MYOC: variants seen among roughly 807,000 people sequenced by gnomAD.
MYOC encodes the protein myocilin, also known as juvenile-onset open-angle glaucoma 1.
In MYOC, 29 loss-of-function variants were observed where a neutral mutation model predicts 28.2. The ratio of observed to expected loss-of-function variants is 1.03; its 90% confidence interval spans 0.77 to 1.40. MYOC has a LOEUF of 1.40. MYOC is among the 40% of genes most tolerant of loss of function. MYOC has a pLI of 0.00. For synonymous variants in MYOC, 240 were observed against 245.6 expected (o/e 0.98, Z 0.21); for missense variants, 569 against 620.6 (o/e 0.92, Z 0.88).
At chr1:171,646,504 T>G (rs907936745) in intron 1 of MYOC, among the ~76,000 whole-genome samples, 11 of 148,806 alleles carry the variant, frequency 7.4e-5, no homozygotes, top group Non-Finnish European at 1.0e-4. Context: ...TTTTTTTGTT[T>G]TTTTTTTTTT....
At position 171,635,766 on chromosome 1, in the gene MYOC, T is replaced by C; in HGVS notation, c.*159A>G. ...ACGCCCTCAGACTACAATTCCTGAA[T>C]AGTTAGATGGTGACCATGTTCATCC... On this transcript the variant is annotated 3_prime_UTR_variant, in exon 3 of 3. Transcript: ENST00000037502. 1 of 700,868 alleles carries C rather than the reference T, an allele frequency of 1.4e-6. No homozygotes were observed. Among genetic ancestry groups the C allele is most frequent in the Non-Finnish European group, 2.5e-6 (1 of 405,928 alleles). The allele number at this position is 700,868 out of a possible 1,614,324, so 43.4% of individuals were successfully genotyped here.
chr1:171,635,885 G>C lies in MYOC; in HGVS notation c.*40C>G, dbSNP rs1415352900. 3 of 1,609,054 alleles carry C rather than the reference G, an allele frequency of 1.9e-6. No homozygotes were observed. The highest frequency in any genetic ancestry group is 2.5e-6 in the Non-Finnish European group (3 of 1,176,872). ...AGCCTGCTCCCCCCAGGAGCCCTGA[G>C]CATCTCCTTCTGCCATTGCCTGTAC... On this transcript the variant is annotated 3_prime_UTR_variant, in exon 3 of 3. Transcript: ENST00000037502.
At position 171,636,242 on chromosome 1, in the gene MYOC, C is replaced by T; in HGVS notation, c.1198G>A (p.Ala400Thr). 6.2e-7 allele frequency: 1 copy of T among 1,614,140 alleles called. No homozygotes were observed. The highest frequency in any genetic ancestry group is 8.5e-7 in the Non-Finnish European group (1 of 1,180,034). ...GGGTTCAGTTTGGAGAGGACAATGGCACCTTTGGCCTCATCGGTGCTGTAA... is the reference window on the plus strand; with the variant it reads ...GGGTTCAGTTTGGAGAGGACAATGGTACCTTTGGCCTCATCGGTGCTGTAA... ...VIYSTDEAKG[A>T]IVLSKLNPEN... The change falls in exon 3 of 3, where the codon GCC becomes ACC. Residue 400 changes from alanine (A) to threonine (T), a missense_variant. Coordinates refer to ENST00000037502, the MANE Select transcript of MYOC (RefSeq NM_000261.2).
At chr1:171,647,974 T>C (rs1040955840) in intron 1 of MYOC, among the ~76,000 whole-genome samples, 1 of 148,904 alleles carries the variant, frequency 6.7e-6, no homozygotes, top group African/African-American at 2.5e-5. Flanking sequence ...AGGTCAGGAG[T>C]TCAAGACCAG....
At chr1:171,640,621 C>T (rs147692836) in intron 1 of MYOC, among the ~76,000 whole-genome samples, 2 of 152,202 alleles carry the variant, frequency 1.3e-5, no homozygotes, top group African/African-American at 4.8e-5. Flanking sequence ...GCAGTCCCAG[C>T]TACTTGGGAG....
chr1:171,651,343 A>AC (rs147492940), intron 1 of MYOC, among the ~76,000 whole-genome samples: 14 of 62,136 alleles, frequency 2.3e-4, no homozygotes, highest in Admixed American at 8.2e-4. Flanking sequence ...TCACCCCCGC[A>AC]CCCCCCCCAC....
chr1:171,638,482 G>A (rs1192122671), intron 2 of MYOC, 115 bp downstream of exon 2: 3 of 1,203,156 alleles, frequency 2.5e-6, no homozygotes, highest in Non-Finnish European at 2.4e-6. Flanking sequence ...TCTGCTCCCA[G>A]GGAAGTTAAT....
Position 171,651,992 on chromosome 1 carries a change from C to T in MYOC, c.604+16G>A, listed in dbSNP as rs773443762. On this transcript the variant is annotated intron_variant, in intron 1 of 2. Coordinates refer to ENST00000037502, the MANE Select transcript of MYOC (RefSeq NM_000261.2). Reference sequence around the variant, plus strand: ...TCACCTGCTGAACTCAGAGTCCCCCCACTCTGCATTCTTACCTTCTCTGGA... The same window carrying T: ...TCACCTGCTGAACTCAGAGTCCCCCTACTCTGCATTCTTACCTTCTCTGGA... 4.3e-6 allele frequency: 7 copies of T among 1,614,204 alleles called. No individual in the cohort carries two copies. In the Admixed American group the frequency reaches 6.7e-5, roughly 15 times the overall value.
chr1:171,641,485 G>T (rs1653075888), intron 1 of MYOC, among the ~76,000 whole-genome samples: 1 of 152,166 alleles, frequency 6.6e-6, no homozygotes. Context: ...GGGTGATTAG[G>T]TCAGGGGGAC....
At chr1:171,642,809 T>C (rs910139948) in intron 1 of MYOC, among the ~76,000 whole-genome samples, 4 of 150,496 alleles carry the variant, frequency 2.7e-5, no homozygotes, top group African/African-American at 9.8e-5. Flanking sequence ...GGAGCACCTA[T>C]TGAGTGCAAG....
At chr1:171,643,128 GT>G (rs1404039420) in intron 1 of MYOC, among the ~76,000 whole-genome samples, 7 of 152,112 alleles carry the variant, frequency 4.6e-5, no homozygotes, top group Non-Finnish European at 8.8e-5. Context: ...CATTCTAAAG[GT>G]TGCATTGGCC....
At chr1:171,649,534 A>G (rs1418719301) in intron 1 of MYOC, among the ~76,000 whole-genome samples, 6 of 152,282 alleles carry the variant, frequency 3.9e-5, no homozygotes, top group African/African-American at 1.2e-4. Context: ...GAGGGCTCAC[A>G]CCTGTAATCC....
intron 2 of MYOC, among the ~76,000 whole-genome samples, chr1:171,637,297 C>T (rs145429993): frequency 3.9e-4 from 59 of 152,298 alleles, no homozygotes; most frequent in African/African-American, 1.2e-3. Context: ...TAAGAATAAT[C>T]TCCATACAAC....
In MYOC at chr1:171,636,379, A is replaced by C; in HGVS notation, c.1061T>G (p.Val354Gly). 4 of 1,613,202 alleles carry C rather than the reference A, an allele frequency of 2.5e-6. No individual in the cohort carries two copies. The highest frequency in any genetic ancestry group is 3.4e-6 in the Non-Finnish European group (4 of 1,179,730). ...TCCAGGGATTTCCTTCTCAGCCTTC[A>C]CTGTCTCGGTATTCAGCTCATATCT... is the stretch of plus-strand genomic sequence containing the variant. ...VIRYELNTETVKAEKEIPGAG... is the reference protein window; with the variant it reads ...VIRYELNTETGKAEKEIPGAG... Residue 354 changes from valine (V) to glycine (G), a missense_variant, in exon 3 of 3, where the codon GTG becomes GGG. Physicochemically the swap from Val to Gly is moderately radical, Grantham distance 109. Transcript: ENST00000037502.
rs774185083 is a variant in MYOC at position 171,636,630 on chromosome 1, C to T, written c.810G>A (p.Trp270Ter). ...AETITGKYGVWMRDPKPTYPY... is the reference protein window; with the variant it reads ...AETITGKYGV Reference sequence around the variant, plus strand: ...GGTAGGTGGGCTTGGGGTCTCGCATCCACACACCATACTTGCCAGTAATTG... The same window carrying T: ...GGTAGGTGGGCTTGGGGTCTCGCATTCACACACCATACTTGCCAGTAATTG... The change falls in exon 3 of 3, where the codon TGG (tryptophan) becomes TGA (stop). Residue 270 changes from tryptophan to a stop codon, truncating the protein, a stop_gained. Coordinates refer to ENST00000037502, the MANE Select transcript of MYOC (RefSeq NM_000261.2). LOFTEE classifies it low-confidence loss of function (END_TRUNC). The T allele has an allele frequency of 8.7e-6, 14 of 1,611,946 alleles. No homozygotes were observed. The African/African-American group carries it at 1.7e-4, about 20-fold the overall frequency.
At chr1:171,636,787 C>A (rs1652934440) in intron 2 of MYOC, 78 bp from the exon 3 acceptor site, 2 of 1,502,520 alleles carry the variant, frequency 1.3e-6, no homozygotes, top group Non-Finnish European at 9.1e-7. Context: ...CATGCGGAAG[C>A]TTGGCAGAGC....
At chr1:171,650,787 A>C (rs986887337) in intron 1 of MYOC, among the ~76,000 whole-genome samples, 1 of 152,198 alleles carries the variant, frequency 6.6e-6, no homozygotes, top group Admixed American at 6.5e-5. Flanking sequence ...CCAGTTATTA[A>C]TATTTTGCCA....
intron 1 of MYOC, among the ~76,000 whole-genome samples, chr1:171,641,451 T>C (rs1653075461): frequency 6.6e-6 from 1 of 152,108 alleles, no homozygotes; most frequent in South Asian, 2.1e-4. Context: ...AGGAGTTATC[T>C]CTAATTGTCT....
At chr1:171,642,721 C>A (rs934005035) in intron 1 of MYOC, among the ~76,000 whole-genome samples, 1 of 152,028 alleles carries the variant, frequency 6.6e-6, no homozygotes, top group South Asian at 2.1e-4. Context: ...GGGAGTACCC[C>A]CCGGGACATG....
Sources: gnomAD v4.1 joint callset for allele counts (sites outside exome capture counted in the v4.1 genomes callset) on GRCh38, gnomAD v4.1.1 for gene constraint, MANE v1.5 for transcripts, NCBI Gene and HGNC (gene_info 2026-07-23, HGNC 2026-07-21) for gene names.